The following SH3D19 variants were observed in gnomAD, a reference collection of about 807,000 sequenced individuals.
The protein encoded by SH3D19 is SH3 domain-containing protein 19.
In SH3D19, 58 loss-of-function variants were observed where a neutral mutation model predicts 112.1. The ratio of observed to expected loss-of-function variants is 0.52; its 90% CI spans 0.42 to 0.64. SH3D19 has a LOEUF of 0.64. Among genes scored for constraint, SH3D19 ranks in the 30% least tolerant of loss-of-function variants. The pLI is 0.00. For synonymous variants in SH3D19, 391 were observed against 448.5 expected (o/e 0.87, Z 1.62); for missense variants, 1,090 against 1,263.4 (o/e 0.86, Z 2.08).
At chr4:151,189,110 T>G (rs1186143517) in intron 2 of SH3D19, among the ~76,000 whole-genome samples, 1 of 152,046 alleles carries the variant, frequency 6.6e-6, no homozygotes, top group Admixed American at 6.5e-5. Flanking sequence ...TTTTTGTTTT[T>G]GTTTTTTGTT....
intron 1 of SH3D19, among the ~76,000 whole-genome samples, chr4:151,323,357 T>C (rs1006634267): frequency 1.3e-5 from 2 of 152,198 alleles, no homozygotes; most frequent in East Asian, 1.9e-4. Flanking sequence ...AGCTTCTGCG[T>C]CAGTTCATAC....
chr4:151,315,401 T>C (rs1207869835), intron 1 of SH3D19, among the ~76,000 whole-genome samples: 2 of 152,228 alleles, frequency 1.3e-5, no homozygotes, highest in Non-Finnish European at 2.9e-5. Flanking sequence ...TGGAAAGGAA[T>C]TTATATTAGT....
chr4:151,245,536 A>G (rs964706180), intron 1 of SH3D19, among the ~76,000 whole-genome samples: 1 of 152,200 alleles, frequency 6.6e-6, no homozygotes, highest in Admixed American at 6.5e-5. Context: ...GGTTTACTGT[A>G]GCTGAAAAGT....
chr4:151,193,351 C>G (rs1762938178), intron 2 of SH3D19, among the ~76,000 whole-genome samples: 1 of 151,778 alleles, frequency 6.6e-6, no homozygotes, highest in South Asian at 2.1e-4. Context: ...TAATGGAAAA[C>G]TAGCCAGGTT....
Position 151,325,286 on chromosome 4 carries a change from G to GGCCACCAAGTTCGCGGCGCTC in SH3D19, c.46_66dup (p.Glu16_Gly22dup). 1 of 1,221,404 alleles carries GGCCACCAAGTTCGCGGCGCTC rather than the reference G, an allele frequency of 8.2e-7. No individual in the cohort carries two copies. Among genetic ancestry groups the GGCCACCAAGTTCGCGGCGCTC allele is most frequent in the East Asian group, 3.2e-5 (1 of 30,788 alleles). 75.7% of individuals were successfully genotyped at this position (1,221,404 alleles called of 1,614,324 possible). A position where few individuals can be genotyped will look rare whatever the true frequency, so the allele number is the denominator to read the frequency against. Reference sequence around the variant, plus strand: ...AGCGCACGGCCCCGGGCGCGGCGCTGGCCACCAAGTTCGCGGCGCTCGCGT... The same window carrying GGCCACCAAGTTCGCGGCGCTC: ...AGCGCACGGCCCCGGGCGCGGCGCTGGCCACCAAGTTCGCGGCGCTCGCCACCAAGTTCGCGGCGCTCGCGT... On this transcript the variant is annotated inframe_insertion, in exon 1 of 20. Coordinates refer to ENST00000604030, the MANE Select transcript of SH3D19 (RefSeq NM_001378122.1).
At chr4:151,199,788 A>G (rs1764128142) in intron 2 of SH3D19, among the ~76,000 whole-genome samples, 1 of 152,212 alleles carries the variant, frequency 6.6e-6, no homozygotes, top group Admixed American at 6.5e-5. Flanking sequence ...CAAGTCCCCA[A>G]ACTACGAAAT....
chr4:151,264,450 C>CA lies in SH3D19; in HGVS notation c.113-38365dup, dbSNP rs1302475768. Among the ~76,000 whole-genome samples, 311 of 123,928 alleles carry CA rather than the reference C, an allele frequency of 2.5e-3. 1 individual carries two copies. The highest frequency in any genetic ancestry group is 7.9e-3 in the African/African-American group (271 of 34,318). The allele number at this position is 123,928 out of a possible 152,430, so 81.3% of individuals were successfully genotyped here. On this transcript the variant is annotated intron_variant, in intron 1 of 19. Coordinates refer to ENST00000604030, the MANE Select transcript of SH3D19 (RefSeq NM_001378122.1). ...CTCAAAAAAAAAAAAAAAAACCAAACAAAAAAAAAACCCTAACATCTCATT... is the reference window on the plus strand; with the variant it reads ...CTCAAAAAAAAAAAAAAAAACCAAACAAAAAAAAAAACCCTAACATCTCATT...
At chr4:151,234,429 T>C (rs1769849797) in intron 1 of SH3D19, among the ~76,000 whole-genome samples, 2 of 152,088 alleles carry the variant, frequency 1.3e-5, no homozygotes, top group Non-Finnish European at 2.9e-5. Context: ...AAATGAACAT[T>C]TAATCAGTGT....
chr4:151,160,872 G>A (rs927899932), intron 8 of SH3D19, among the ~76,000 whole-genome samples: 1 of 152,098 alleles, frequency 6.6e-6, no homozygotes, highest in Admixed American at 6.6e-5. Context: ...AGTGAGAGGC[G>A]TGCAGTGGCT....
intron 12 of SH3D19, chr4:151,140,269 A>T (rs1278240704): frequency 6.5e-6 from 1 of 154,276 alleles, no homozygotes; most frequent in South Asian, 2.0e-4. Flanking sequence ...TGGGAAAAGA[A>T]GAAAGTTCTA....
At chr4:151,172,645 G>A (rs1215162806) in intron 7 of SH3D19, among the ~76,000 whole-genome samples, 1 of 152,218 alleles carries the variant, frequency 6.6e-6, no homozygotes, top group Admixed American at 6.5e-5. Flanking sequence ...TAGGTGAGGA[G>A]TAGTATTACG....
chr4:151,210,098 C>T (rs1248389517), intron 2 of SH3D19, among the ~76,000 whole-genome samples: 1 of 152,006 alleles, frequency 6.6e-6, no homozygotes, highest in African/African-American at 2.4e-5. Flanking sequence ...AAGAATGCAA[C>T]CCTTCATGAA....
chr4:151,143,701 G>A (rs115722860), intron 12 of SH3D19, among the ~76,000 whole-genome samples: 2,120 of 151,854 alleles, frequency 0.014, 45 homozygotes, highest in African/African-American at 0.049. Flanking sequence ...CAAAACACAG[G>A]GTAGTCACTC....
intron 1 of SH3D19, among the ~76,000 whole-genome samples, chr4:151,234,502 G>A (rs1197504769): frequency 2.0e-5 from 3 of 152,142 alleles, no homozygotes; most frequent in East Asian, 3.9e-4. Context: ...TTAGAGAAAG[G>A]GGGTCATCAA....
chr4:151,175,271 C>T lies in SH3D19; in HGVS notation c.933G>A (p.Leu311=). The part of the protein sequence containing the change: ...EGQTNIETSG[L]PKKPEITPRS... ...GTGGAGTAATTTCTGGTTTCTTGGG[C>T]AGTCCTGAGGTTTCTATGTTTGTCT... Residue 311 remains leucine (L), a synonymous_variant, in exon 7 of 20, where the codon CTG becomes CTA. Transcript: ENST00000604030. The T allele has an allele frequency of 6.2e-7, 1 of 1,614,162 alleles. No homozygotes were observed. The highest frequency in any genetic ancestry group is 8.5e-7 in the Non-Finnish European group (1 of 1,180,026).
At chr4:151,303,571 G>A (rs918746648) in intron 1 of SH3D19, among the ~76,000 whole-genome samples, 1 of 152,074 alleles carries the variant, frequency 6.6e-6, no homozygotes, top group Admixed American at 6.6e-5. Context: ...ACACACTCCA[G>A]GCCCTCCTCG....
intron 1 of SH3D19, among the ~76,000 whole-genome samples, chr4:151,286,600 TAAAAAAA>T (rs200710507): frequency 7.5e-6 from 1 of 132,830 alleles, no homozygotes; most frequent in African/African-American, 2.8e-5. Context: ...CATTTGTGAT[TAAAAAAA>T]AAAAAAAAAC....
chr4:151,148,278 C>G, intron 10 of SH3D19, 92 bp from the exon 11 acceptor site: 2 of 1,111,356 alleles, frequency 1.8e-6, no homozygotes, highest in Non-Finnish European at 2.5e-6. Flanking sequence ...CACACACACA[C>G]ACACACACAC....
chr4:151,244,163 A>G lies in SH3D19; in HGVS notation c.113-18077T>C, dbSNP rs189900365. On this transcript the variant is annotated intron_variant, in intron 1 of 19. Coordinates refer to ENST00000604030, the MANE Select transcript of SH3D19 (RefSeq NM_001378122.1). Reference sequence around the variant, plus strand: ...AGTCTATAGTAAACAAGACACAGACATCTTACTGTAATACCACAGAATCTT... The same window carrying G: ...AGTCTATAGTAAACAAGACACAGACGTCTTACTGTAATACCACAGAATCTT... 4.4e-4 allele frequency among the ~76,000 whole-genome samples: 67 copies of G among 152,270 alleles called. 1 individual carries two copies. Among genetic ancestry groups the G allele is most frequent in the Admixed American group, 3.5e-3 (54 of 15,278 alleles).
Sources: gnomAD v4.1 joint callset for allele counts (sites outside exome capture counted in the v4.1 genomes callset) on GRCh38, gnomAD v4.1.1 for gene constraint, MANE v1.5 for transcripts, NCBI Gene and HGNC (gene_info 2026-07-23, HGNC 2026-07-21) for gene names.